The following SLC9A9 variants were observed in gnomAD, a reference collection of about 807,000 sequenced individuals.
SLC9A9 encodes sodium/hydrogen exchanger 9.
In SLC9A9, 62 loss-of-function variants were observed where a neutral mutation model predicts 77.8. The ratio of observed to expected loss-of-function variants is 0.80; its 90% CI spans 0.65 to 0.98. SLC9A9 has a LOEUF of 0.98. SLC9A9 is among the 50% of genes least tolerant of loss of function. The pLI is 0.00. For synonymous variants in SLC9A9, 320 were observed against 283.5 expected (o/e 1.13, Z -1.29); for missense variants, 775 against 774.9 (o/e 1.00, Z 0.00).
chr3:143,516,481 A>C (rs2036204451), intron 9 of SLC9A9, among the ~76,000 whole-genome samples: 1 of 152,180 alleles, frequency 6.6e-6, no homozygotes, highest in Non-Finnish European at 1.5e-5. Context: ...CATAAACATT[A>C]AAGGATATAA....
intron 11 of SLC9A9, among the ~76,000 whole-genome samples, chr3:143,471,187 G>A (rs1309134627): frequency 1.3e-5 from 2 of 152,148 alleles, no homozygotes; most frequent in African/African-American, 2.4e-5. Context: ...CTGGAAGCAC[G>A]GGGCTGAGAA....
At chr3:143,650,572 T>C (rs1028208611) in intron 6 of SLC9A9, among the ~76,000 whole-genome samples, 9 of 152,208 alleles carry the variant, frequency 5.9e-5, no homozygotes, top group Admixed American at 6.5e-5. Context: ...GGTATTTGAA[T>C]ATGTAAGCTT....
chr3:143,543,344 A>G (rs1014553522), intron 9 of SLC9A9, among the ~76,000 whole-genome samples: 11 of 150,114 alleles, frequency 7.3e-5, no homozygotes, highest in Admixed American at 1.3e-4. Context: ...GGACCTAGTC[A>G]CAGTGTGTTA....
chr3:143,310,824 C>G (rs1030533342), intron 14 of SLC9A9, among the ~76,000 whole-genome samples: 8 of 152,192 alleles, frequency 5.3e-5, no homozygotes, highest in African/African-American at 1.9e-4. Flanking sequence ...CACAGGTGGT[C>G]ATAATTTTTG....
At chr3:143,786,005 C>T (rs534868760) in intron 4 of SLC9A9, among the ~76,000 whole-genome samples, 43 of 150,172 alleles carry the variant, frequency 2.9e-4, no homozygotes, top group Admixed American at 6.6e-4. Context: ...TACAGGCACG[C>T]GCCACCATGC....
chr3:143,741,224 C>T (rs564304527), intron 4 of SLC9A9, among the ~76,000 whole-genome samples: 2 of 152,004 alleles, frequency 1.3e-5, no homozygotes, highest in Non-Finnish European at 2.9e-5. Flanking sequence ...AAATATATAG[C>T]ATAAGCCTGG....
intron 14 of SLC9A9, among the ~76,000 whole-genome samples, chr3:143,314,952 C>T (rs111521738): frequency 6.6e-6 from 1 of 152,192 alleles, no homozygotes; most frequent in Admixed American, 6.5e-5. Context: ...GGACAGTGCT[C>T]TATCTATTAG....
Position 143,265,949 on chromosome 3 carries a change from C to T in SLC9A9, c.*753G>A. The T allele has an allele frequency of 4.6e-6, 3 of 658,942 alleles. No individual in the cohort carries two copies. Among genetic ancestry groups the T allele is most frequent in the Middle Eastern group, 3.6e-4 (1 of 2,786 alleles). The allele number at this position is 658,942 out of a possible 1,614,324, so 40.8% of individuals were successfully genotyped here. A position where few individuals can be genotyped will look rare whatever the true frequency, so the allele number is the denominator to read the frequency against. On this transcript the variant is annotated 3_prime_UTR_variant, in exon 16 of 16. Coordinates refer to ENST00000316549, the MANE Select transcript of SLC9A9 (RefSeq NM_173653.4). ...TCACATGCAGGCAAGGACGGGAAGG[C>T]TTGTTCTTCAGGCACAACGTGGTAT...
chr3:143,842,409 C>CA (rs1386055266), intron 1 of SLC9A9, among the ~76,000 whole-genome samples: 6 of 151,946 alleles, frequency 3.9e-5, no homozygotes, highest in Admixed American at 2.6e-4. Flanking sequence ...ACAAAAACCC[C>CA]CAAAAACATA....
intron 6 of SLC9A9, among the ~76,000 whole-genome samples, chr3:143,579,792 C>T (rs1416104817): frequency 6.6e-6 from 1 of 152,058 alleles, no homozygotes; most frequent in Admixed American, 6.6e-5. Flanking sequence ...TTTATCTTGC[C>T]AATGATTAGA....
intron 4 of SLC9A9, among the ~76,000 whole-genome samples, chr3:143,707,277 A>AAT (rs1934008633): frequency 6.6e-6 from 1 of 152,066 alleles, no homozygotes; most frequent in Non-Finnish European, 1.5e-5. Context: ...TATGAATAAA[A>AAT]ATATATAGGG....
At chr3:143,657,500 T>C (rs1434540903) in intron 5 of SLC9A9, among the ~76,000 whole-genome samples, 1 of 152,206 alleles carries the variant, frequency 6.6e-6, no homozygotes, top group Non-Finnish European at 1.5e-5. Context: ...TCCTGGGAAC[T>C]ATCCAGGAAG....
Position 143,279,945 on chromosome 3 carries a change from G to A in SLC9A9, c.1605-10965C>T, listed in dbSNP as rs897336528. On this transcript the variant is annotated intron_variant, in intron 14 of 15. Coordinates refer to ENST00000316549, the MANE Select transcript of SLC9A9 (RefSeq NM_173653.4). ...AGCAATCCTCCCCCCTCAGCCTCTC[G>A]AGTAGCTGGGACTACAGGCATGTGC... Among the ~76,000 whole-genome samples, 29 of 152,078 alleles carry A rather than the reference G, an allele frequency of 1.9e-4. 1 individual carries two copies. Among genetic ancestry groups the A allele is most frequent in the East Asian group, 1.9e-4 (1 of 5,180 alleles).
At chr3:143,602,424 G>A (rs1408299658) in intron 6 of SLC9A9, among the ~76,000 whole-genome samples, 3 of 152,192 alleles carry the variant, frequency 2.0e-5, no homozygotes, top group African/African-American at 7.2e-5. Context: ...AGGCCAGCTG[G>A]AACAGGTCAA....
At chr3:143,716,887 C>A (rs572840516) in intron 4 of SLC9A9, among the ~76,000 whole-genome samples, 1 of 152,174 alleles carries the variant, frequency 6.6e-6, no homozygotes, top group African/African-American at 2.4e-5. Flanking sequence ...AACTGAGAGG[C>A]CTATGGGAGG....
chr3:143,581,182 G>C (rs2037445828), intron 6 of SLC9A9, among the ~76,000 whole-genome samples: 1 of 152,140 alleles, frequency 6.6e-6, no homozygotes, highest in South Asian at 2.1e-4. Flanking sequence ...GACAGAGATG[G>C]GGAGAGAGTA....
At chr3:143,341,933 ACAAAGGACCCATG>A (rs1481606198) in intron 14 of SLC9A9, among the ~76,000 whole-genome samples, 1 of 152,092 alleles carries the variant, frequency 6.6e-6, no homozygotes, top group Non-Finnish European at 1.5e-5. Flanking sequence ...CTGGTCCCTT[ACAAAGGACCCATG>A]CAGATGAAGA....
chr3:143,445,557 A>G (rs2034826341), intron 12 of SLC9A9, among the ~76,000 whole-genome samples: 1 of 152,204 alleles, frequency 6.6e-6, no homozygotes, highest in South Asian at 2.1e-4. Flanking sequence ...AGAGTGAGAA[A>G]ACAGATGGCA....
At chr3:143,370,565 GCGCACACA>G (rs1400716042) in intron 13 of SLC9A9, among the ~76,000 whole-genome samples, 1 of 38,382 alleles carries the variant, frequency 2.6e-5, no homozygotes, top group African/African-American at 1.2e-4. Flanking sequence ...ATGCATGTGC[GCGCACACA>G]CACACACACA....
Sources: allele counts gnomAD v4.1 joint callset (sites outside exome capture counted in the v4.1 genomes callset), GRCh38; gene constraint gnomAD v4.1.1; transcripts MANE v1.5; gene names NCBI Gene and HGNC (gene_info 2026-07-23, HGNC 2026-07-21).